PRELID2: variants seen among roughly 807,000 people sequenced by gnomAD.
The protein encoded by PRELID2 is PRELI domain containing 2, also known as PRELI domain-containing protein 2.
PRELID2 carries 25 observed loss-of-function variants against 28.4 expected under a neutral mutation model. The observed-to-expected ratio is 0.88, with a 90% CI of 0.64 to 1.23. The LOEUF (loss-of-function observed/expected upper bound fraction) is 1.23. PRELID2 is among the 50% of genes most tolerant of loss of function. The pLI, the probability that PRELID2 is intolerant of heterozygous loss-of-function variation, is 0.00. For synonymous variants in PRELID2, 76 were observed against 71.6 expected (o/e 1.06, Z -0.31); for missense variants, 201 against 214.4 (o/e 0.94, Z 0.39).
At chr5:145,273,045 C>G in the PRELID2 span, among the ~76,000 whole-genome samples, 1 of 152,060 alleles carries the variant, frequency 6.6e-6, no homozygotes, top group African/African-American at 2.4e-5. Flanking sequence ...GAGCAGGGAT[C>G]TTGATCGCCA....
At chr5:145,347,754 C>G in the PRELID2 span, among the ~76,000 whole-genome samples, 1 of 151,948 alleles carries the variant, frequency 6.6e-6, no homozygotes, top group Non-Finnish European at 1.5e-5. Context: ...CTGTATGATA[C>G]TGTAGTGGTA....
chr5:145,629,609 C>T (rs1753904506), intron 1 of PRELID2, among the ~76,000 whole-genome samples: 3 of 152,126 alleles, frequency 2.0e-5, no homozygotes, highest in Admixed American at 2.0e-4. Flanking sequence ...GTGCCAGGCA[C>T]TTTGCTAAAT....
At chr5:145,589,627 T>C (rs1753201352) in intron 1 of PRELID2, among the ~76,000 whole-genome samples, 1 of 152,212 alleles carries the variant, frequency 6.6e-6, no homozygotes, top group African/African-American at 2.4e-5. Flanking sequence ...TCTTTTGTTA[T>C]TTCATTAATT....
intron 1 of PRELID2, among the ~76,000 whole-genome samples, chr5:145,613,489 C>T (rs1753651400): frequency 7.2e-6 from 1 of 139,840 alleles, no homozygotes; most frequent in Admixed American, 7.8e-5. Context: ...GTTCCCCTTC[C>T]TGTGTCCAAG....
chr5:145,375,507 A>G, the PRELID2 span, among the ~76,000 whole-genome samples: 2 of 151,906 alleles, frequency 1.3e-5, no homozygotes, highest in Admixed American at 1.3e-4. Flanking sequence ...CTTGGTGGAG[A>G]GGGTGTGCTT....
the PRELID2 span, among the ~76,000 whole-genome samples, chr5:145,374,011 C>G: frequency 1.4e-5 from 2 of 148,060 alleles, no homozygotes; most frequent in Non-Finnish European, 3.0e-5. Flanking sequence ...ATGTGTGAAT[C>G]TGATCCTGTC....
the PRELID2 span, among the ~76,000 whole-genome samples, chr5:145,287,000 G>A: frequency 1.3e-5 from 2 of 152,010 alleles, no homozygotes; most frequent in South Asian, 2.1e-4. Context: ...GTGAGCCACC[G>A]CGCCTGGCCA....
the PRELID2 span, among the ~76,000 whole-genome samples, chr5:145,449,192 TGA>T: frequency 1.3e-5 from 2 of 152,114 alleles, no homozygotes. Context: ...GTGCTGAGGC[TGA>T]GTCCCACGTG....
chr5:145,426,110 C>A, the PRELID2 span, among the ~76,000 whole-genome samples: 1 of 152,186 alleles, frequency 6.6e-6, no homozygotes, highest in African/African-American at 2.4e-5. Flanking sequence ...ACCCTTCTGG[C>A]AGATGAGAGC....
At chr5:145,326,653 G>T in the PRELID2 span, among the ~76,000 whole-genome samples, 15 of 151,996 alleles carry the variant, frequency 9.9e-5, no homozygotes, top group Non-Finnish European at 1.9e-4. Flanking sequence ...TCTTGATAGT[G>T]GTATCAAAAT....
At chr5:145,576,146 A>G (rs1307978391) in intron 1 of PRELID2, among the ~76,000 whole-genome samples, 1 of 152,158 alleles carries the variant, frequency 6.6e-6, no homozygotes, top group Admixed American at 6.6e-5. Context: ...ATTTAATTCA[A>G]CCATTTAAAG....
chr5:145,742,088 TTATAATTAC>T (rs1756823426), intron 1 of PRELID2, among the ~76,000 whole-genome samples: 1 of 5,010 alleles, frequency 2.0e-4, no homozygotes, highest in Non-Finnish European at 9.4e-4. Flanking sequence ...AATTATATAT[TTATAATTAC>T]ATATAATTAT....
intron 1 of PRELID2, among the ~76,000 whole-genome samples, chr5:145,698,330 C>T (rs966933041): frequency 6.6e-6 from 1 of 152,188 alleles, no homozygotes; most frequent in Non-Finnish European, 1.5e-5. Flanking sequence ...GATTTAAGAA[C>T]AGCTATGTCC....
chr5:145,801,650 T>A (rs764850188), intron 4 of PRELID2, among the ~76,000 whole-genome samples: 4 of 152,216 alleles, frequency 2.6e-5, no homozygotes, highest in Non-Finnish European at 5.9e-5. Context: ...GGCAAAGAGA[T>A]GTTAAATAAC....
chr5:145,319,471 C>G, the PRELID2 span, among the ~76,000 whole-genome samples: 2 of 151,980 alleles, frequency 1.3e-5, no homozygotes, highest in Admixed American at 6.6e-5. Context: ...GAGTTTGAGA[C>G]CAGCCTGGCC....
At chr5:145,648,544 T>C (rs1037223806) in intron 1 of PRELID2, among the ~76,000 whole-genome samples, 8 of 151,580 alleles carry the variant, frequency 5.3e-5, no homozygotes, top group South Asian at 2.1e-4. Flanking sequence ...TGTTGGTTCA[T>C]GAAAGTAATT....
the PRELID2 span, among the ~76,000 whole-genome samples, chr5:145,436,172 A>C: frequency 1.3e-5 from 2 of 152,092 alleles, no homozygotes; most frequent in Non-Finnish European, 2.9e-5. Context: ...CCCACTTATA[A>C]GTGACATGTG....
chr5:145,607,189 A>T (rs79742420), intron 1 of PRELID2, among the ~76,000 whole-genome samples: 2,499 of 152,184 alleles, frequency 0.016, 80 homozygotes, highest in African/African-American at 0.057. Context: ...CTTTCAAAGA[A>T]CAAAATCCTG....
intron 1 of PRELID2, among the ~76,000 whole-genome samples, chr5:145,741,192 A>G (rs1228595535): frequency 1.1e-5 from 1 of 91,908 alleles, no homozygotes; most frequent in Admixed American, 1.7e-4. Flanking sequence ...TATAATATAT[A>G]CTATACAGAT....
Sources: allele counts gnomAD v4.1 joint callset (sites outside exome capture counted in the v4.1 genomes callset), GRCh38; gene constraint gnomAD v4.1.1; transcripts MANE v1.5; gene names NCBI Gene and HGNC (gene_info 2026-07-23, HGNC 2026-07-21).